SLIT2: variants seen among roughly 807,000 people sequenced by gnomAD.
SLIT2 encodes the protein slit homolog 2 protein.
SLIT2 carries 41 observed loss-of-function variants against 185.7 expected under a neutral mutation model. The ratio of observed to expected loss-of-function variants is 0.22; its 90% CI spans 0.17 to 0.29. The LOEUF (loss-of-function observed/expected upper bound fraction) is 0.29. SLIT2 is among the 10% of genes least tolerant of loss of function. The pLI, the probability that SLIT2 is intolerant of heterozygous loss-of-function variation, is 1.00. For synonymous variants in SLIT2, 693 were observed against 680.2 expected, an observed-to-expected ratio of 1.02 and a Z score of -0.29; for missense variants, 1,571 against 1,909.0, an observed-to-expected ratio of 0.82 and a Z score of 3.30.
At chr4:20,457,142 T>C (rs1395094502) in intron 4 of SLIT2, among the ~76,000 whole-genome samples, 1 of 152,080 alleles carries the variant, frequency 6.6e-6, no homozygotes, top group African/African-American at 2.4e-5. Context: ...TAATCATTGA[T>C]GGGCATTTTA....
intron 4 of SLIT2, among the ~76,000 whole-genome samples, chr4:20,304,757 C>G (rs1214881879): frequency 6.6e-6 from 1 of 152,066 alleles, no homozygotes; most frequent in African/African-American, 2.4e-5. Context: ...TTGTAACTTC[C>G]AACCATCCCC....
intron 5 of SLIT2, among the ~76,000 whole-genome samples, chr4:20,472,421 T>TATATAGATATATAG (rs1715390259): frequency 1.1e-5 from 1 of 87,640 alleles, no homozygotes; most frequent in Admixed American, 1.5e-4. Context: ...TATATCTATA[T>TATATAGATATATAG]ATATAGATAT....
Position 20,374,178 on chromosome 4 carries a change from C to T in SLIT2, c.396-93574C>T, listed in dbSNP as rs539572744. 5.3e-4 allele frequency among the ~76,000 whole-genome samples: 81 copies of T among 152,006 alleles called. No individual in the cohort carries two copies. In the South Asian group the frequency reaches 0.015, roughly 27 times the overall value. On this transcript the variant is annotated intron_variant, in intron 4 of 36. Transcript: ENST00000504154. ...ATGAAGGTACAGGGAAAATTATATG[C>T]GATGATACATGCAGGGTGTCTGGAG...
chr4:20,408,596 A>AT (rs1346383259), intron 4 of SLIT2, among the ~76,000 whole-genome samples: 2 of 151,822 alleles, frequency 1.3e-5, no homozygotes, highest in African/African-American at 2.4e-5. Context: ...TTTTTAGTTT[A>AT]TTTTTTTACC....
intron 4 of SLIT2, among the ~76,000 whole-genome samples, chr4:20,359,284 CAGAT>C (rs1308230876): frequency 6.6e-6 from 1 of 152,052 alleles, no homozygotes; most frequent in Non-Finnish European, 1.5e-5. Context: ...TGAAAAAACA[CAGAT>C]GGATGTGTGA....
intron 9 of SLIT2, among the ~76,000 whole-genome samples, chr4:20,499,041 G>A (rs909994835): frequency 1.4e-4 from 22 of 152,202 alleles, no homozygotes; most frequent in African/African-American, 2.4e-4. Flanking sequence ...CCTACCAACA[G>A]TGTATAAGCA....
intron 4 of SLIT2, among the ~76,000 whole-genome samples, chr4:20,335,717 T>C (rs1720439442): frequency 6.6e-6 from 1 of 152,142 alleles, no homozygotes; most frequent in Non-Finnish European, 1.5e-5. Context: ...CAAGTACTCC[T>C]AGTCTCAAAG....
Position 20,577,640 on chromosome 4 carries a change from G to A in SLIT2, c.3088+8636G>A, listed in dbSNP as rs1413438355. The stretch of plus-strand genomic sequence containing the variant: ...GAAAATATACATACTTTTCTTTCAG[G>A]TCCAACTTAATGAAGCTGCCCTGTG... On this transcript the variant is annotated intron_variant, in intron 29 of 36. Coordinates refer to ENST00000504154, the MANE Select transcript of SLIT2 (RefSeq NM_004787.4). 2.0e-5 allele frequency among the ~76,000 whole-genome samples: 3 copies of A among 152,260 alleles called. No individual in the cohort carries two copies. In the East Asian group the frequency reaches 5.8e-4, roughly 29 times the overall value.
At chr4:20,377,929 A>G (rs1214324049) in intron 4 of SLIT2, among the ~76,000 whole-genome samples, 1 of 152,194 alleles carries the variant, frequency 6.6e-6, no homozygotes, top group Admixed American at 6.5e-5. Flanking sequence ...AGGAAAAACT[A>G]TATTGAAATC....
At chr4:20,342,800 G>A (rs1721071843) in intron 4 of SLIT2, among the ~76,000 whole-genome samples, 1 of 123,732 alleles carries the variant, frequency 8.1e-6, no homozygotes, top group African/African-American at 3.1e-5. Context: ...ATAAGCAACA[G>A]CAGGGTTGAC....
Position 20,487,499 on chromosome 4 carries a change from C to T in SLIT2, c.611+1228C>T, listed in dbSNP as rs569207884. Among the ~76,000 whole-genome samples the T allele has an allele frequency of 2.0e-5, 3 of 152,260 alleles. No individual in the cohort carries two copies. In the South Asian group the frequency reaches 6.2e-4, roughly 32 times the overall value. On this transcript the variant is annotated intron_variant, in intron 7 of 36. Coordinates refer to ENST00000504154, the MANE Select transcript of SLIT2 (RefSeq NM_004787.4). ...TGTAGAAATTCGTGAGTTTGTCTTA[C>T]TAATCAGGTTTTTCCATTTTTACAT... is the stretch of plus-strand genomic sequence containing the variant.
At chr4:20,466,531 G>A (rs1470876721) in intron 4 of SLIT2, among the ~76,000 whole-genome samples, 2 of 152,078 alleles carry the variant, frequency 1.3e-5, no homozygotes, top group African/African-American at 2.4e-5. Context: ...TGAGGATATT[G>A]AGATATAAAT....
chr4:20,543,242 C>T (rs1722968912), intron 21 of SLIT2, among the ~76,000 whole-genome samples: 1 of 152,042 alleles, frequency 6.6e-6, no homozygotes, highest in Admixed American at 6.6e-5. Context: ...GACCAATTAT[C>T]CTTGACATTT....
intron 34 of SLIT2, among the ~76,000 whole-genome samples, chr4:20,610,806 G>T (rs939436124): frequency 6.6e-6 from 1 of 152,214 alleles, no homozygotes; most frequent in Admixed American, 6.5e-5. Flanking sequence ...AAGAGAGAGG[G>T]TTGGAAAGGT....
chr4:20,585,028 C>T (rs1046562724), intron 29 of SLIT2, among the ~76,000 whole-genome samples: 1 of 152,042 alleles, frequency 6.6e-6, no homozygotes, highest in Admixed American at 6.6e-5. Flanking sequence ...GCACTCCAGC[C>T]TGACTGACAG....
At chr4:20,457,402 T>G (rs1713194683) in intron 4 of SLIT2, among the ~76,000 whole-genome samples, 1 of 151,670 alleles carries the variant, frequency 6.6e-6, no homozygotes, top group South Asian at 2.1e-4. Context: ...AGAGGATGAG[T>G]AGGAGGATTA....
chr4:20,533,059 C>T lies in SLIT2; in HGVS notation c.1689-513C>T, dbSNP rs116181757. Among the ~76,000 whole-genome samples, 397 of 152,246 alleles carry T rather than the reference C, an allele frequency of 2.6e-3. 1 individual carries two copies. Among genetic ancestry groups the T allele is most frequent in the Admixed American group, 8.7e-3 (133 of 15,298 alleles). On this transcript the variant is annotated intron_variant, in intron 17 of 36. Transcript: ENST00000504154. ...AAGCATTGTAGTAGTTGGTATCATA[C>T]GTAGTACTGACAGTTAATTTGGTTG...
intron 19 of SLIT2, 100 bp downstream of exon 19, chr4:20,539,684 G>T: frequency 2.5e-6 from 2 of 805,956 alleles, no homozygotes; most frequent in Non-Finnish European, 3.5e-6. Context: ...ATGTGATCAA[G>T]GGTTTTAGGA....
At position 20,390,283 on chromosome 4, in the gene SLIT2, A is replaced by T. The variant is rs570871313; in HGVS notation, c.396-77469A>T. Among the ~76,000 whole-genome samples the T allele has an allele frequency of 2.9e-3, 435 of 152,234 alleles. 6 individuals carry two copies. Among genetic ancestry groups the T allele is most frequent in the African/African-American group, 1.0e-2 (415 of 41,562 alleles). ...TGTATATAAGTAATATACAAAAAAAATTGCCGTGCATTGAATAATTGACAC... is the reference window on the plus strand; with the variant it reads ...TGTATATAAGTAATATACAAAAAAATTTGCCGTGCATTGAATAATTGACAC... On this transcript the variant is annotated intron_variant, in intron 4 of 36. Transcript: ENST00000504154.
Sources: allele counts gnomAD v4.1 joint callset (sites outside exome capture counted in the v4.1 genomes callset), GRCh38; gene constraint gnomAD v4.1.1; transcripts MANE v1.5; gene names NCBI Gene and HGNC (gene_info 2026-07-23, HGNC 2026-07-21).